Variants in WDR72 observed in about 807,000 individuals in gnomAD.
WDR72 encodes WD repeat domain 72.
Under a neutral mutation model 124.2 loss-of-function variants are expected in WDR72, and 120 were observed. That is an observed-to-expected ratio of 0.97 (90% CI 0.83 to 1.12). The LOEUF (loss-of-function observed/expected upper bound fraction) is 1.12, where lower values mean the gene tolerates loss of function less well. WDR72 is among the 50% of genes most tolerant of loss of function. The pLI, the probability that WDR72 is intolerant of heterozygous loss-of-function variation, is 0.00. For missense variants in WDR72, 1,387 were observed against 1,278.8 expected (o/e 1.08, Z -1.29); for synonymous variants, 452 against 441.7 (o/e 1.02, Z -0.29).
intron 1 of WDR72, among the ~76,000 whole-genome samples, chr15:53,753,435 A>T (rs2018821589): frequency 6.6e-6 from 1 of 152,244 alleles, no homozygotes; most frequent in South Asian, 2.1e-4. Context: ...AGCAGAAGCT[A>T]GGCCAAAACA....
intron 1 of WDR72, chr15:53,756,682 T>C (rs1266925215): frequency 6.6e-6 from 1 of 152,318 alleles, no homozygotes; most frequent in East Asian, 1.9e-4. Flanking sequence ...ATATGTTAAG[T>C]TGTAGACACT....
intron 14 of WDR72, among the ~76,000 whole-genome samples, chr15:53,659,084 C>G (rs1346192350): frequency 6.6e-6 from 1 of 152,208 alleles, no homozygotes. Context: ...CTTTGCCACA[C>G]AAATTGCTGA....
At chr15:53,619,264 T>TTGTGTGTGTGTGTG (rs3081256) in intron 14 of WDR72, among the ~76,000 whole-genome samples, 149 of 147,494 alleles carry the variant, frequency 1.0e-3, no homozygotes, top group South Asian at 3.9e-3. Context: ...TGCTTTATAA[T>TTGTGTGTGTGTGTG]TGTGTGTGTG....
At chr15:53,598,941 T>C (rs7173966) in intron 17 of WDR72, among the ~76,000 whole-genome samples, 20,917 of 152,008 alleles carry the variant, frequency 0.14, 2,230 homozygotes, top group African/African-American at 0.3. Context: ...CTGGTTGACA[T>C]GGTGAAACCC....
rs181649875 is a variant in WDR72, at chr15:53,515,587, T to C, written c.*2112A>G. 20 of 152,314 alleles carry C rather than the reference T, an allele frequency of 1.3e-4. No homozygotes were observed. Among genetic ancestry groups the C allele is most frequent in the African/African-American group, 4.8e-4 (20 of 41,582 alleles). 9.4% of individuals were successfully genotyped at this position (152,314 alleles called of 1,614,324 possible). A position where few individuals can be genotyped will look rare whatever the true frequency, so the allele number is the denominator to read the frequency against. ...ATGATATTGGCCTTCAGAATTCATATTGATAAAAGCAAACCTTAGTCATTT... is the reference window on the plus strand; with the variant it reads ...ATGATATTGGCCTTCAGAATTCATACTGATAAAAGCAAACCTTAGTCATTT... On this transcript the variant is annotated 3_prime_UTR_variant, in exon 20 of 20. Coordinates refer to ENST00000360509, the MANE Select transcript of WDR72 (RefSeq NM_182758.4).
intron 14 of WDR72, among the ~76,000 whole-genome samples, chr15:53,662,015 C>A (rs2015625860): frequency 6.6e-6 from 1 of 152,096 alleles, no homozygotes; most frequent in Non-Finnish European, 1.5e-5. Context: ...ACTAACCAAC[C>A]AACAAACAAA....
chr15:53,695,858 G>A (rs1450250421), intron 13 of WDR72, among the ~76,000 whole-genome samples: 1 of 152,118 alleles, frequency 6.6e-6, no homozygotes, highest in Non-Finnish European at 1.5e-5. Flanking sequence ...AGTGAGAATA[G>A]GCTCTTATAA....
chr15:53,525,071 A>G (rs1384352012), intron 18 of WDR72, among the ~76,000 whole-genome samples: 2 of 152,052 alleles, frequency 1.3e-5, no homozygotes, highest in South Asian at 2.1e-4. Flanking sequence ...ACATGGAAGG[A>G]GAGGATGTGT....
Position 53,682,097 on chromosome 15 carries a change from T to A in WDR72, c.1766-16329A>T, listed in dbSNP as rs954948331. On this transcript the variant is annotated intron_variant, in intron 13 of 19. Coordinates refer to ENST00000360509, the MANE Select transcript of WDR72 (RefSeq NM_182758.4). ...AGCCTTTCAATGTGATACCTGAATT[T>A]TACAATGCACACCAGAAACCACTTC... 2.0e-4 allele frequency among the ~76,000 whole-genome samples: 30 copies of A among 152,020 alleles called. 1 individual carries two copies. The highest frequency in any genetic ancestry group is 3.7e-4 in the Non-Finnish European group (25 of 67,998).
intron 17 of WDR72, among the ~76,000 whole-genome samples, chr15:53,604,821 A>T (rs12441277): frequency 0.061 from 9,257 of 152,178 alleles, 345 homozygotes; most frequent in South Asian, 0.093. Context: ...AAAATTATAG[A>T]TTAGAAAATC....
intron 13 of WDR72, among the ~76,000 whole-genome samples, chr15:53,681,363 T>C (rs1323255419): frequency 1.3e-5 from 2 of 152,250 alleles, no homozygotes; most frequent in African/African-American, 4.8e-5. Context: ...AAGTGTCATA[T>C]AAAATGCTTG....
At chr15:53,633,361 G>T (rs1241170896) in intron 14 of WDR72, among the ~76,000 whole-genome samples, 1 of 152,112 alleles carries the variant, frequency 6.6e-6, no homozygotes, top group African/African-American at 2.4e-5. Flanking sequence ...GTTTTCTGAG[G>T]CCTCCCCAGA....
At chr15:53,721,195 C>G (rs1457105505) in intron 3 of WDR72, among the ~76,000 whole-genome samples, 3 of 152,158 alleles carry the variant, frequency 2.0e-5, no homozygotes, top group Non-Finnish European at 4.4e-5. Flanking sequence ...TAGACTGAAA[C>G]TAGACTCCCA....
chr15:53,694,418 T>C (rs2016939560), intron 13 of WDR72, among the ~76,000 whole-genome samples: 1 of 152,212 alleles, frequency 6.6e-6, no homozygotes, highest in Non-Finnish European at 1.5e-5. Context: ...GCGGCTAATC[T>C]GTCATCTGAG....
At chr15:53,756,173 T>C (rs963034389) in intron 1 of WDR72, among the ~76,000 whole-genome samples, 5 of 152,188 alleles carry the variant, frequency 3.3e-5, no homozygotes, top group Admixed American at 6.5e-5. Context: ...TGGGAGGTAA[T>C]TGAATCATGA....
chr15:53,519,470 CAGGA>C (rs1891661645), intron 19 of WDR72, among the ~76,000 whole-genome samples: 1 of 152,044 alleles, frequency 6.6e-6, no homozygotes, highest in Non-Finnish European at 1.5e-5. Flanking sequence ...CCACAGGTTT[CAGGA>C]AGGTATAAAT....
Position 53,516,414 on chromosome 15 carries a change from C to G in WDR72, c.*1285G>C, listed in dbSNP as rs1328769744. ...TGTCTACTGCATCCCAGCATAAGACCTGAGGCTGGTCCCATGCTCAAAAAT... is the reference window on the plus strand; with the variant it reads ...TGTCTACTGCATCCCAGCATAAGACGTGAGGCTGGTCCCATGCTCAAAAAT... On this transcript the variant is annotated 3_prime_UTR_variant, in exon 20 of 20. Coordinates refer to ENST00000360509, the MANE Select transcript of WDR72 (RefSeq NM_182758.4). The G allele has an allele frequency of 6.6e-6, 1 of 152,090 alleles. No individual in the cohort carries two copies. Among genetic ancestry groups the G allele is most frequent in the Non-Finnish European group, 1.5e-5 (1 of 67,982 alleles). 9.4% of individuals were successfully genotyped at this position (152,090 alleles called of 1,614,324 possible). A position where few individuals can be genotyped will look rare whatever the true frequency, so the allele number is the denominator to read the frequency against.
chr15:53,738,673 T>A (rs903945057), intron 1 of WDR72, among the ~76,000 whole-genome samples: 1 of 152,196 alleles, frequency 6.6e-6, no homozygotes, highest in Non-Finnish European at 1.5e-5. Flanking sequence ...CTCGGCTCAC[T>A]GCAACCTCCA....
At chr15:53,638,208 A>G (rs970131551) in intron 14 of WDR72, among the ~76,000 whole-genome samples, 17 of 152,210 alleles carry the variant, frequency 1.1e-4, no homozygotes, top group African/African-American at 4.1e-4. Flanking sequence ...CCTCTTAGCT[A>G]TAACATTAGA....
Sources: gnomAD v4.1 joint callset for allele counts (sites outside exome capture counted in the v4.1 genomes callset) on GRCh38, gnomAD v4.1.1 for gene constraint, MANE v1.5 for transcripts, NCBI Gene and HGNC (gene_info 2026-07-23, HGNC 2026-07-21) for gene names.